Variants in RYR3 observed in about 807,000 individuals in gnomAD.
RYR3 encodes the protein ryanodine receptor 3.
A neutral mutation model predicts 584.3 loss-of-function variants in RYR3; 207 were observed. The observed-to-expected ratio is 0.35, with a 90% CI of 0.32 to 0.40. The LOEUF is 0.40. RYR3 is among the 10% of genes least tolerant of loss of function. RYR3 has a pLI of 1.00. For missense variants in RYR3, 5,616 were observed against 6,089.2 expected (o/e 0.92, Z 2.59); for synonymous variants, 2,416 against 2,248.5 (o/e 1.07, Z -2.11).
chr15:33,433,707 C>A (rs8031460), intron 1 of RYR3, among the ~76,000 whole-genome samples: 7,218 of 152,198 alleles, frequency 0.047, 264 homozygotes, highest in African/African-American at 0.11. Context: ...GAGAAAGCAC[C>A]TTACTGGGTA....
chr15:33,426,169 T>C (rs573821313), intron 1 of RYR3, among the ~76,000 whole-genome samples: 67 of 152,320 alleles, frequency 4.4e-4, no homozygotes, highest in Non-Finnish European at 9.0e-4. Flanking sequence ...GTAAAGTAGA[T>C]GTAAAACTTA....
intron 50 of RYR3, 104 bp from the exon 51 acceptor site, chr15:33,739,728 A>C: frequency 1.1e-6 from 1 of 912,372 alleles, no homozygotes; most frequent in Non-Finnish European, 1.6e-6. Context: ...TAACCTGGAT[A>C]AATGCGCGTA....
intron 67 of RYR3, among the ~76,000 whole-genome samples, chr15:33,791,613 A>G (rs946869391): frequency 1.3e-5 from 2 of 152,040 alleles, no homozygotes; most frequent in South Asian, 2.1e-4. Context: ...GCATTAAGAG[A>G]TCTCTGGTCA....
chr15:33,599,055 CA>C (rs35209074), intron 16 of RYR3, among the ~76,000 whole-genome samples: 15 of 148,892 alleles, frequency 1.0e-4, no homozygotes, highest in Middle Eastern at 3.5e-3. Context: ...ACTCCGTCTC[CA>C]AAAAAAAAAG....
intron 10 of RYR3, among the ~76,000 whole-genome samples, chr15:33,557,387 T>C (rs962500201): frequency 6.6e-6 from 1 of 152,226 alleles, no homozygotes; most frequent in African/African-American, 2.4e-5. Context: ...CTATTTTTTA[T>C]TTTTTATTGA....
chr15:33,804,004 C>A (rs1206730218), intron 69 of RYR3, among the ~76,000 whole-genome samples: 1 of 152,186 alleles, frequency 6.6e-6, no homozygotes, highest in Non-Finnish European at 1.5e-5. Context: ...CTTGGGTTTA[C>A]ATTTGGACAA....
rs368035825 is a variant in RYR3, at chr15:33,586,133, C to G, written c.1788+17C>G. On this transcript the variant is annotated intron_variant, in intron 16 of 103. Transcript: ENST00000634891. The stretch of plus-strand genomic sequence containing the variant: ...AATCACAAGGTAGGTGTGGAAAGAA[C>G]GGTGATTGACTTTGCCTGGTGTTTC... 6.9e-7 allele frequency: 1 copy of G among 1,452,284 alleles called. No homozygotes were observed. The highest frequency in any genetic ancestry group is 1.7e-5 in the Admixed American group (1 of 59,788). The allele number at this position is 1,452,284 out of a possible 1,614,324, so 90.0% of individuals were successfully genotyped here.
At chr15:33,438,949 A>C (rs571017994) in intron 1 of RYR3, among the ~76,000 whole-genome samples, 1 of 152,232 alleles carries the variant, frequency 6.6e-6, no homozygotes, top group South Asian at 2.1e-4. Context: ...TCACTGTTGA[A>C]TGGAAATAGG....
rs532395295 is a variant in RYR3, at chr15:33,753,367, C to CT, written c.8400-1697dup. On this transcript the variant is annotated intron_variant, in intron 57 of 103. Coordinates refer to ENST00000634891, the MANE Select transcript of RYR3 (RefSeq NM_001036.6). ...GAGAGATTGAATGCATCATGATGTCCTAAGATGTTTTATCTCAAACTTACA... is the reference window on the plus strand; with the variant it reads ...GAGAGATTGAATGCATCATGATGTCCTTAAGATGTTTTATCTCAAACTTACA... Among the ~76,000 whole-genome samples, 11 of 152,258 alleles carry CT rather than the reference C, an allele frequency of 7.2e-5. No homozygotes were observed. The South Asian group carries it at 2.3e-3, about 32-fold the overall frequency.
intron 52 of RYR3, among the ~76,000 whole-genome samples, chr15:33,744,498 A>G (rs2070481349): frequency 6.6e-6 from 1 of 152,182 alleles, no homozygotes. Context: ...TGTGGGAGAA[A>G]CAAAATGAAC....
chr15:33,353,446 G>A (rs1322685436), intron 1 of RYR3, among the ~76,000 whole-genome samples: 2 of 152,144 alleles, frequency 1.3e-5, no homozygotes, highest in South Asian at 2.1e-4. Context: ...GTGGAGTTGG[G>A]GAGAAGGCAT....
At chr15:33,497,689 A>C (rs1188917643) in intron 2 of RYR3, among the ~76,000 whole-genome samples, 1 of 152,240 alleles carries the variant, frequency 6.6e-6, no homozygotes, top group Admixed American at 6.5e-5. Flanking sequence ...TAGCACATCT[A>C]TAGCCTCAAA....
intron 16 of RYR3, among the ~76,000 whole-genome samples, chr15:33,593,283 G>T (rs185975155): frequency 6.6e-6 from 1 of 152,070 alleles, no homozygotes; most frequent in African/African-American, 2.4e-5. Context: ...TAATCTTTTG[G>T]AGAAAGCATT....
intron 27 of RYR3, among the ~76,000 whole-genome samples, chr15:33,640,114 C>A (rs2061715154): frequency 6.6e-6 from 1 of 152,124 alleles, no homozygotes; most frequent in African/African-American, 2.4e-5. Flanking sequence ...CTGTTCCTGC[C>A]CATTGACCTG....
chr15:33,417,451 G>A (rs1031635544), intron 1 of RYR3, among the ~76,000 whole-genome samples: 14 of 151,984 alleles, frequency 9.2e-5, no homozygotes, highest in African/African-American at 2.9e-4. Flanking sequence ...TGTGGCCATC[G>A]TAAGTGAGAT....
intron 18 of RYR3, among the ~76,000 whole-genome samples, chr15:33,605,914 TCTC>T (rs1311274979): frequency 6.6e-6 from 1 of 152,182 alleles, no homozygotes; most frequent in Non-Finnish European, 1.5e-5. Context: ...GATAAATTAT[TCTC>T]CTTTTATTTG....
intron 32 of RYR3, among the ~76,000 whole-genome samples, chr15:33,658,907 G>A (rs1444880614): frequency 6.6e-6 from 1 of 152,230 alleles, no homozygotes. Flanking sequence ...GGAGAGGATG[G>A]AGAGGAGTCC....
chr15:33,493,507 T>C (rs944830335), intron 2 of RYR3, among the ~76,000 whole-genome samples: 47 of 152,116 alleles, frequency 3.1e-4, no homozygotes, highest in African/African-American at 1.1e-3. Context: ...ATATAAAGAG[T>C]CAGTGTTTCA....
At chr15:33,336,463 A>AAG (rs1567046652) in intron 1 of RYR3, among the ~76,000 whole-genome samples, 1 of 35,738 alleles carries the variant, frequency 2.8e-5, no homozygotes, top group Admixed American at 2.4e-4. Context: ...AGAGAGAGAG[A>AAG]GAGAGAGAGA....
Sources: gnomAD v4.1 joint callset for allele counts (sites outside exome capture counted in the v4.1 genomes callset) on GRCh38, gnomAD v4.1.1 for gene constraint, MANE v1.5 for transcripts, NCBI Gene and HGNC (gene_info 2026-07-23, HGNC 2026-07-21) for gene names.